GAL3ST3: variants seen among roughly 807,000 people sequenced by gnomAD.
The protein encoded by GAL3ST3 is galactose-3-O-sulfotransferase 3, also known as beta-galactose-3-O-sulfotransferase 3.
Under a neutral mutation model 20.8 loss-of-function variants are expected in GAL3ST3, and 21 were observed. The ratio of observed to expected loss-of-function variants is 1.01; its 90% confidence interval spans 0.72 to 1.45. GAL3ST3 has a LOEUF of 1.45. Among genes scored for constraint, GAL3ST3 ranks in the 40% most tolerant of loss-of-function variants. GAL3ST3 has a pLI of 0.00. For missense variants in GAL3ST3, 739 were observed against 662.7 expected (o/e 1.12, Z -1.26); for synonymous variants, 355 against 307.2 (o/e 1.16, Z -1.63).
chr11:66,042,744 C>T lies in GAL3ST3; in HGVS notation c.1059G>A (p.Leu353=). 1 of 1,532,516 alleles carries T rather than the reference C, an allele frequency of 6.5e-7. No individual in the cohort carries two copies. Among genetic ancestry groups the T allele is most frequent in the Non-Finnish European group, 8.7e-7 (1 of 1,145,266 alleles). The allele number at this position is 1,532,516 out of a possible 1,614,324, so 94.9% of individuals were successfully genotyped here. Residue 353 remains leucine, a synonymous_variant, in exon 3 of 3, where the codon CTG becomes CTA. Coordinates refer to ENST00000312006, the MANE Select transcript of GAL3ST3 (RefSeq NM_033036.3). ...RPAAQIRTKQ[L]QPWQPSRKVD... ...CCTTGCGGCTGGGCTGCCACGGCTG[C>T]AGCTGCTTGGTGCGGATCTGCGCGG...
At chr11:66,045,061 A>T in intron 2 of GAL3ST3, 1 of 378,402 alleles carries the variant, frequency 2.6e-6, no homozygotes, top group Non-Finnish European at 4.8e-6. Context: ...GCTTAGCTGC[A>T]TGCTGTGGGG....
Position 66,042,281 on chromosome 11 carries a change from G to C in GAL3ST3, c.*226C>G. ...AATCACCAACCAGCTGGGAAGGAGAGGGTGGCCCAGCGCTGGATCCAGCCT... is the reference window on the plus strand; with the variant it reads ...AATCACCAACCAGCTGGGAAGGAGACGGTGGCCCAGCGCTGGATCCAGCCT... On this transcript the variant is annotated 3_prime_UTR_variant, in exon 3 of 3. Coordinates refer to ENST00000312006, the MANE Select transcript of GAL3ST3 (RefSeq NM_033036.3). 1 of 491,024 alleles carries C rather than the reference G, an allele frequency of 2.0e-6. No individual in the cohort carries two copies. Among genetic ancestry groups the C allele is most frequent in the Non-Finnish European group, 3.5e-6 (1 of 282,460 alleles). 30.4% of individuals were successfully genotyped at this position (491,024 alleles called of 1,614,324 possible).
In GAL3ST3 at chr11:66,043,216, T is replaced by C; in HGVS notation, c.587A>G (p.His196Arg). 1 of 1,612,376 alleles carries C rather than the reference T, an allele frequency of 6.2e-7. No homozygotes were observed. The highest frequency in any genetic ancestry group is 8.5e-7 in the Non-Finnish European group (1 of 1,179,486). ...APEAYYRAGE[H>R]FAMFAHNTLA... is the part of the protein sequence containing the mutation. ...CGTGTTGTGTGCGAACATGGCGAAG[T>C]GCTCGCCAGCGCGGTAGTATGCCTC... Residue 196 changes from histidine to arginine, a missense_variant, in exon 3 of 3, where the codon CAC becomes CGC. By Grantham distance (29) the His-to-Arg change is conservative (BLOSUM62 0). Transcript: ENST00000312006.
At chr11:66,045,769 C>T (rs956628904) in intron 1 of GAL3ST3, among the ~76,000 whole-genome samples, 2 of 152,214 alleles carry the variant, frequency 1.3e-5, no homozygotes, top group Non-Finnish European at 2.9e-5. Context: ...ATCCCTCAGC[C>T]CTGTCTCTGT....
chr11:66,043,040 G>A lies in GAL3ST3; in HGVS notation c.763C>T (p.Leu255=), dbSNP rs767892671. 6.2e-7 allele frequency: 1 copy of A among 1,610,796 alleles called. No individual in the cohort carries two copies. Among genetic ancestry groups the A allele is most frequent in the South Asian group, 1.1e-5 (1 of 91,080 alleles). ...AGCACGTCGTCCAGGTCCCAGGCCA[G>A]TAGGCGCCGCAGCAGCACTAGCGAC... ...DESLVLLRRL[L]AWDLDDVLYA... Residue 255 remains leucine (L), a synonymous_variant, in exon 3 of 3, where the codon CTG becomes TTG. Coordinates refer to ENST00000312006, the MANE Select transcript of GAL3ST3 (RefSeq NM_033036.3).
At chr11:66,045,704 G>T (rs1856776107) in intron 1 of GAL3ST3, 177 bp from the exon 2 acceptor site, 1 of 265,124 alleles carries the variant, frequency 3.8e-6, no homozygotes. Flanking sequence ...ACTTAGTCTT[G>T]GGTGGAATTA....
rs1480059904 is a variant in GAL3ST3 at position 66,042,818 on chromosome 11, G to GGCGGGCCTCGCGCAGCTC, written c.967_984dup (p.Glu323_Arg328dup). 5 of 1,412,504 alleles carry GGCGGGCCTCGCGCAGCTC rather than the reference G, an allele frequency of 3.5e-6. No individual in the cohort carries two copies. The highest frequency in any genetic ancestry group is 4.6e-6 in the Non-Finnish European group (5 of 1,094,442). 87.5% of individuals were successfully genotyped at this position (1,412,504 alleles called of 1,614,324 possible). A position where few individuals can be genotyped will look rare whatever the true frequency, so the allele number is the denominator to read the frequency against. ...CCGAAGCAGCGCCGCAGTAGGCGCT[G>GGCGGGCCTCGCGCAGCTC]GCGGGCCTCGCGCAGCTCGCGCGCC... On this transcript the variant is annotated inframe_insertion, in exon 3 of 3. Transcript: ENST00000312006.
rs1856745619 is a variant in GAL3ST3 at position 66,043,504 on chromosome 11, C to T, written c.299G>A (p.Ser100Asn). Residue 100 changes from serine (S) to asparagine (N), a missense_variant, in exon 3 of 3, where the codon AGC becomes AAC. By Grantham distance (46) the Ser-to-Asn change is conservative. Transcript: ENST00000312006. ...HNLTVALPHPSCEHQFCYPRN... is the reference protein window; with the variant it reads ...HNLTVALPHPNCEHQFCYPRN... ...GGGGTAGCAGAACTGGTGCTCGCAG[C>T]TCGGGTGCGGCAGGGCCACCGTCAG... 2 of 1,610,796 alleles carry T rather than the reference C, an allele frequency of 1.2e-6. No homozygotes were observed. Among genetic ancestry groups the T allele is most frequent in the Admixed American group, 1.7e-5 (1 of 59,982 alleles).
In GAL3ST3 at chr11:66,043,462, T is replaced by C. The variant is rs749277117; in HGVS notation, c.341A>G (p.His114Arg). Residue 114 changes from histidine (H) to arginine (R), a missense_variant, in exon 3 of 3, where the codon CAC (histidine) becomes CGC (arginine). By Grantham distance (29) the His-to-Arg change is conservative. Transcript: ENST00000312006. ...CGGCCGCGTGGCCGGGTGCACGAAG[T>C]GCGCCGAGAAGTTGCGGGGGTAGCA... The part of the protein sequence containing the change: ...QFCYPRNFSA[H>R]FVHPATRPPH... 1.2e-6 allele frequency: 2 copies of C among 1,609,936 alleles called. No homozygotes were observed. The highest frequency in any genetic ancestry group is 3.3e-5 in the Admixed American group (2 of 59,846).
At chr11:66,047,392 T>A (rs1358878117) in intron 1 of GAL3ST3, among the ~76,000 whole-genome samples, 2 of 152,206 alleles carry the variant, frequency 1.3e-5, no homozygotes, top group Non-Finnish European at 2.9e-5. Context: ...AAGTCAAGCC[T>A]AGCTATGGGG....
intron 2 of GAL3ST3, among the ~76,000 whole-genome samples, chr11:66,043,938 G>C (rs1856753584): frequency 6.6e-6 from 1 of 152,208 alleles, no homozygotes; most frequent in Non-Finnish European, 1.5e-5. Flanking sequence ...GAAGAGGGCA[G>C]AAATGATGGG....
At position 66,043,186 on chromosome 11, in the gene GAL3ST3, G is replaced by A; in HGVS notation, c.617C>T (p.Ala206Val). The change falls in exon 3 of 3, where the codon GCC becomes GTC. Residue 206 changes from alanine (A) to valine (V), a missense_variant. Coordinates refer to ENST00000312006, the MANE Select transcript of GAL3ST3 (RefSeq NM_033036.3). ...HFAMFAHNTL[A>V]YDLGGDNERS... ...CTCATTGTCGCCGCCCAGGTCGTAG[G>A]CCAGCGTGTTGTGTGCGAACATGGC... 1.2e-6 allele frequency: 2 copies of A among 1,612,198 alleles called. No individual in the cohort carries two copies. Among genetic ancestry groups the A allele is most frequent in the Middle Eastern group, 1.7e-4 (1 of 6,060 alleles).
chr11:66,046,778 A>G (rs1856787468), intron 1 of GAL3ST3, among the ~76,000 whole-genome samples: 1 of 152,096 alleles, frequency 6.6e-6, no homozygotes, highest in African/African-American at 2.4e-5. Flanking sequence ...CCTCACACAT[A>G]TCCTTCTCCA....
chr11:66,045,790 G>A (rs1020309898), intron 1 of GAL3ST3, among the ~76,000 whole-genome samples: 3 of 152,206 alleles, frequency 2.0e-5, no homozygotes, highest in African/African-American at 7.2e-5. Context: ...CTCTCTGCCT[G>A]CTCCTAACTC....
intron 2 of GAL3ST3, 28 bp downstream of exon 2, chr11:66,045,263 C>T (rs748727928): frequency 3.4e-6 from 5 of 1,490,922 alleles, no homozygotes; most frequent in Middle Eastern, 2.2e-4. Context: ...AGGGGAGCTC[C>T]GGCCCCCCTG....
rs1229189774 is a variant in GAL3ST3 at position 66,042,896 on chromosome 11, C to G, written c.907G>C (p.Ala303Pro). 1.7e-6 allele frequency: 2 copies of G among 1,202,790 alleles called. No individual in the cohort carries two copies. The highest frequency in any genetic ancestry group is 2.1e-6 in the Non-Finnish European group (2 of 959,536). The allele number at this position is 1,202,790 out of a possible 1,614,324, so 74.5% of individuals were successfully genotyped here. A position where few individuals can be genotyped will look rare whatever the true frequency, so the allele number is the denominator to read the frequency against. ...LDAGLYDHFNATFWRHVARAG... is the reference protein window; with the variant it reads ...LDAGLYDHFNPTFWRHVARAG... ...CGCGCCACGTGGCGCCAGAAGGTGGCGTTGAAGTGGTCGTAGAGGCCGGCG... is the reference window on the plus strand; with the variant it reads ...CGCGCCACGTGGCGCCAGAAGGTGGGGTTGAAGTGGTCGTAGAGGCCGGCG... The change falls in exon 3 of 3, where the codon GCC becomes CCC. Residue 303 changes from alanine (A) to proline (P), a missense_variant. By Grantham distance (27) the Ala-to-Pro change is conservative (BLOSUM62 -1). Coordinates refer to ENST00000312006, the MANE Select transcript of GAL3ST3 (RefSeq NM_033036.3).
At chr11:66,047,971 C>T (rs1856799192) in intron 1 of GAL3ST3, among the ~76,000 whole-genome samples, 1 of 152,188 alleles carries the variant, frequency 6.6e-6, no homozygotes, top group African/African-American at 2.4e-5. Flanking sequence ...GGCAATTTGA[C>T]TCCAAGATGC....
chr11:66,043,113 C>G lies in GAL3ST3; in HGVS notation c.690G>C (p.Gln230His). 6.2e-7 allele frequency: 1 copy of G among 1,611,918 alleles called. No homozygotes were observed. Among genetic ancestry groups the G allele is most frequent in the Non-Finnish European group, 8.5e-7 (1 of 1,179,390 alleles). Residue 230 changes from glutamine to histidine, a missense_variant, in exon 3 of 3, where the codon CAG becomes CAC. Physicochemically the swap from Gln to His is conservative, Grantham distance 24. Coordinates refer to ENST00000312006, the MANE Select transcript of GAL3ST3 (RefSeq NM_033036.3). ...TGACGAGCGAGAAAACCTCCTCCACCTGGCGGATGAGGCCCGCCAGGTAGG... is the reference window on the plus strand; with the variant it reads ...TGACGAGCGAGAAAACCTCCTCCACGTGGCGGATGAGGCCCGCCAGGTAGG... Reference protein sequence around the residue: ...DAAYLAGLIRQVEEVFSLVMI... With the variant: ...DAAYLAGLIRHVEEVFSLVMI...
chr11:66,042,812 G>C lies in GAL3ST3; in HGVS notation c.991C>G (p.Leu331Val), dbSNP rs1302799159. The change falls in exon 3 of 3, where the codon CTA becomes GTA. Residue 331 changes from leucine (L) to valine (V), a missense_variant. Leu to Val is a conservative substitution (Grantham distance 32). Transcript: ENST00000312006. ...ARELREARQR[L>V]LRRCFGDEPL... is the part of the protein sequence containing the mutation. ...TCGTCCCCGAAGCAGCGCCGCAGTA[G>C]GCGCTGGCGGGCCTCGCGCAGCTCG... 26 of 1,421,336 alleles carry C rather than the reference G, an allele frequency of 1.8e-5. No individual in the cohort carries two copies. Among genetic ancestry groups the C allele is most frequent in the Non-Finnish European group, 2.3e-5 (25 of 1,098,934 alleles). The allele number at this position is 1,421,336 out of a possible 1,614,324, so 88.0% of individuals were successfully genotyped here.
Sources: allele counts gnomAD v4.1 joint callset (sites outside exome capture counted in the v4.1 genomes callset), GRCh38; gene constraint gnomAD v4.1.1; transcripts MANE v1.5; gene names NCBI Gene and HGNC (gene_info 2026-07-23, HGNC 2026-07-21).